Variants in CTNND2 observed in about 807,000 individuals in gnomAD.
The protein encoded by CTNND2 is catenin delta-2.
In CTNND2, 22 loss-of-function variants were observed where a neutral mutation model predicts 144.4. The ratio of observed to expected loss-of-function variants is 0.15; its 90% CI spans 0.11 to 0.22. The LOEUF (loss-of-function observed/expected upper bound fraction) is 0.22, where lower values mean the gene tolerates loss of function less well. Ranked by LOEUF, CTNND2 falls within the 10% of genes least tolerant of loss-of-function variation. The pLI, the probability that CTNND2 is intolerant of heterozygous loss-of-function variation, is 1.00. For missense variants in CTNND2, 1,353 were observed against 1,618.8 expected (o/e 0.84, Z 2.82); for synonymous variants, 751 against 695.6 (o/e 1.08, Z -1.25).
intron 1 of CTNND2, among the ~76,000 whole-genome samples, chr5:11,866,206 G>A (rs1795760820): frequency 6.6e-6 from 1 of 152,164 alleles, no homozygotes; most frequent in African/African-American, 2.4e-5. Context: ...GGGAGGCTGA[G>A]GTGGGAGGAT....
At chr5:11,102,262 A>C (rs560931404) in intron 14 of CTNND2, among the ~76,000 whole-genome samples, 1 of 152,366 alleles carries the variant, frequency 6.6e-6, no homozygotes, top group African/African-American at 2.4e-5. Flanking sequence ...CAAGTCATTC[A>C]CATGCTGTTG....
chr5:11,596,268 T>C (rs1310186637), intron 2 of CTNND2, among the ~76,000 whole-genome samples: 10 of 152,206 alleles, frequency 6.6e-5, no homozygotes, highest in Admixed American at 6.6e-4. Context: ...GTGGCATTTG[T>C]TTCAATTTTT....
intron 2 of CTNND2, among the ~76,000 whole-genome samples, chr5:11,700,573 T>C (rs1785384697): frequency 6.6e-6 from 1 of 152,106 alleles, no homozygotes; most frequent in Non-Finnish European, 1.5e-5. Flanking sequence ...TGATGCACAT[T>C]TGTGAGCTCT....
At chr5:11,383,922 C>A (rs1410795619) in intron 7 of CTNND2, among the ~76,000 whole-genome samples, 1 of 152,186 alleles carries the variant, frequency 6.6e-6, no homozygotes, top group Non-Finnish European at 1.5e-5. Context: ...GGCATAACGA[C>A]CACAGAAATG....
intron 5 of CTNND2, among the ~76,000 whole-genome samples, chr5:11,402,947 G>A (rs1053335420): frequency 6.6e-6 from 1 of 152,146 alleles, no homozygotes; most frequent in Non-Finnish European, 1.5e-5. Flanking sequence ...TAATTAGTAC[G>A]CTTTTCCAAG....
At chr5:11,499,544 T>G (rs1451781008) in intron 3 of CTNND2, among the ~76,000 whole-genome samples, 1 of 152,260 alleles carries the variant, frequency 6.6e-6, no homozygotes, top group Non-Finnish European at 1.5e-5. Context: ...ATCCTTCGTT[T>G]TTGGCTGAAG....
At chr5:11,577,726 A>G (rs1183892720) in intron 2 of CTNND2, among the ~76,000 whole-genome samples, 1 of 152,248 alleles carries the variant, frequency 6.6e-6, no homozygotes, top group Non-Finnish European at 1.5e-5. Flanking sequence ...ATATTCAACA[A>G]TGATCCTAAT....
chr5:11,216,950 G>A (rs962247938), intron 10 of CTNND2, among the ~76,000 whole-genome samples: 23 of 152,182 alleles, frequency 1.5e-4, no homozygotes, highest in African/African-American at 5.3e-4. Context: ...GCCTACTGAA[G>A]GAGGTGGATC....
chr5:11,853,793 T>C (rs62337742), intron 1 of CTNND2, among the ~76,000 whole-genome samples: 16,418 of 152,268 alleles, frequency 0.11, 1,217 homozygotes, highest in Middle Eastern at 0.17. Flanking sequence ...GGTAACTCCG[T>C]TGATTCTACC....
chr5:11,521,994 C>T (rs1356365729), intron 3 of CTNND2, among the ~76,000 whole-genome samples: 1 of 152,054 alleles, frequency 6.6e-6, no homozygotes, highest in Non-Finnish European at 1.5e-5. Flanking sequence ...TGTATGAGAC[C>T]AGCCTCACAG....
intron 18 of CTNND2, among the ~76,000 whole-genome samples, chr5:11,005,262 C>T (rs1017809155): frequency 2.6e-5 from 4 of 152,182 alleles, no homozygotes; most frequent in Admixed American, 6.5e-5. Context: ...GCAAGAACAG[C>T]GTGGCTGAGG....
At chr5:11,556,336 G>A (rs1178560918) in intron 3 of CTNND2, among the ~76,000 whole-genome samples, 1 of 151,932 alleles carries the variant, frequency 6.6e-6, no homozygotes, top group Non-Finnish European at 1.5e-5. Context: ...ATTTAAGCAA[G>A]AATAAATCAA....
At chr5:11,129,341 A>C (rs1755330096) in intron 12 of CTNND2, among the ~76,000 whole-genome samples, 1 of 96,816 alleles carries the variant, frequency 1.0e-5, no homozygotes, top group Non-Finnish European at 1.8e-5. Flanking sequence ...ATATGCATCA[A>C]AATTCTTCCT....
At chr5:11,454,191 G>A (rs1216791298) in intron 3 of CTNND2, among the ~76,000 whole-genome samples, 6 of 152,190 alleles carry the variant, frequency 3.9e-5, no homozygotes, top group Non-Finnish European at 8.8e-5. Context: ...AGAGGCCGAG[G>A]CGGGCGAGTT....
intron 18 of CTNND2, among the ~76,000 whole-genome samples, chr5:11,008,992 T>C (rs750113051): frequency 3.3e-4 from 50 of 152,244 alleles, no homozygotes; most frequent in Non-Finnish European, 4.6e-4. Context: ...GCCCATCGCA[T>C]GGGCCCCTTC....
intron 18 of CTNND2, among the ~76,000 whole-genome samples, chr5:11,007,440 C>G (rs907173371): frequency 2.6e-5 from 4 of 152,242 alleles, no homozygotes; most frequent in African/African-American, 9.6e-5. Context: ...CAGCTTTAAC[C>G]TCGGGAACTG....
intron 1 of CTNND2, among the ~76,000 whole-genome samples, chr5:11,875,205 T>C (rs1389720221): frequency 2.0e-5 from 3 of 152,182 alleles, no homozygotes; most frequent in Non-Finnish European, 4.4e-5. Context: ...TTTCAAACTC[T>C]AAGTACAAGC....
chr5:11,723,661 C>A (rs1260624877), intron 2 of CTNND2, among the ~76,000 whole-genome samples: 1 of 152,206 alleles, frequency 6.6e-6, no homozygotes, highest in African/African-American at 2.4e-5. Flanking sequence ...TAAACACCTC[C>A]TCCATGGCTG....
At chr5:11,198,411 C>A (rs1471801506) in intron 11 of CTNND2, among the ~76,000 whole-genome samples, 4 of 152,144 alleles carry the variant, frequency 2.6e-5, no homozygotes, top group African/African-American at 9.7e-5. Flanking sequence ...AAAGAGTGTA[C>A]ATTTAAGAAA....
Sources: gnomAD v4.1 joint callset for allele counts (sites outside exome capture counted in the v4.1 genomes callset) on GRCh38, gnomAD v4.1.1 for gene constraint, MANE v1.5 for transcripts, NCBI Gene and HGNC (gene_info 2026-07-23, HGNC 2026-07-21) for gene names.